Variants in CYLD observed in about 807,000 individuals in gnomAD.
CYLD encodes ubiquitin carboxyl-terminal hydrolase CYLD.
Under a neutral mutation model 104.5 loss-of-function variants are expected in CYLD, and 26 were observed. That is an observed-to-expected ratio of 0.25 (90% CI 0.18 to 0.35). CYLD has a LOEUF of 0.35. Among genes scored for constraint, CYLD ranks in the 10% least tolerant of loss-of-function variants. CYLD has a pLI of 1.00. For missense variants in CYLD, 703 were observed against 1,136.1 expected (o/e 0.62, Z 5.48); for synonymous variants, 385 against 399.9 (o/e 0.96, Z 0.45).
chr16:50,744,899 C>G (rs1966044461), intron 2 of CYLD: 1 of 152,344 alleles, frequency 6.6e-6, no homozygotes, highest in Admixed American at 6.5e-5. Flanking sequence ...TCCAGACCAT[C>G]AACAAGCTCA....
At position 50,749,831 on chromosome 16, in the gene CYLD, A is replaced by T. The variant is rs1258272884; in HGVS notation, c.133A>T (p.Ser45Cys). 1 of 1,613,976 alleles carries T rather than the reference A, an allele frequency of 6.2e-7. No individual in the cohort carries two copies. Among genetic ancestry groups the T allele is most frequent in the Admixed American group, 1.7e-5 (1 of 59,996 alleles). The change falls in exon 3 of 19, where the codon AGT (serine) becomes TGT (cysteine). Residue 45 changes from serine to cysteine, a missense_variant. Ser to Cys is a moderately radical substitution (Grantham distance 112). Around this residue, in one of 5 missense-constraint regions of CYLD, gnomAD observed 142 missense variants for 165.1 expected, o/e 0.86. Coordinates refer to ENST00000427738, the MANE Select transcript of CYLD (RefSeq NM_001378743.1). ...TQKLLKVPKG[S>C]IGQYIQDRSV... ...AAAGCTCCTTAAAGTACCGAAGGGA[A>T]GTATAGGACAGTATATTCAAGATCG...
chr16:50,789,824 G>A (rs1442478180), intron 14 of CYLD, among the ~76,000 whole-genome samples: 1 of 152,074 alleles, frequency 6.6e-6, no homozygotes, highest in African/African-American at 2.4e-5. Flanking sequence ...GACAATGAAA[G>A]GTAAAACAGA....
At chr16:50,775,365 AT>A (rs984765230) in intron 6 of CYLD, among the ~76,000 whole-genome samples, 191 bp downstream of exon 6, 12 of 152,134 alleles carry the variant, frequency 7.9e-5, no homozygotes, top group Admixed American at 1.3e-4. Flanking sequence ...TTACACCTAT[AT>A]TTCAGAAATA....
At chr16:50,792,735 G>A in intron 16 of CYLD, 30 bp downstream of exon 16, 1 of 1,205,722 alleles carries the variant, frequency 8.3e-7, no homozygotes, top group Non-Finnish European at 1.2e-6. Flanking sequence ...AGTTTGTTTT[G>A]TTGGTTTTGT....
chr16:50,793,446 T>C, intron 16 of CYLD, 100 bp from the exon 17 acceptor site: 1 of 843,878 alleles, frequency 1.2e-6, no homozygotes. Flanking sequence ...GCCATGAACA[T>C]TGTCCTTTTT....
chr16:50,795,426 ATGTT>A, intron 18 of CYLD: 1 of 628,270 alleles, frequency 1.6e-6, no homozygotes, highest in Non-Finnish European at 2.9e-6. Flanking sequence ...TAGGTAAGAA[ATGTT>A]TGTTAAAGCA....
At position 50,794,666 on chromosome 16, in the gene CYLD, G is replaced by T. The variant is rs1461056142; in HGVS notation, c.2686+238G>T. 2 of 518,196 alleles carry T rather than the reference G, an allele frequency of 3.9e-6. No homozygotes were observed. The highest frequency in any genetic ancestry group is 1.9e-5 in the African/African-American group (1 of 51,756). 32.1% of individuals were successfully genotyped at this position (518,196 alleles called of 1,614,324 possible). A position where few individuals can be genotyped will look rare whatever the true frequency, so the allele number is the denominator to read the frequency against. ...GATGGAGTCTCACTCTGTCACCCAGGCTGGAGTGCAGCAGCGTGATCTTGG... is the reference window on the plus strand; with the variant it reads ...GATGGAGTCTCACTCTGTCACCCAGTCTGGAGTGCAGCAGCGTGATCTTGG... On this transcript the variant is annotated intron_variant, in intron 18 of 18. Coordinates refer to ENST00000427738, the MANE Select transcript of CYLD (RefSeq NM_001378743.1). The surrounding 1 kb of genome is among the most constrained non-coding windows in gnomAD (Gnocchi z 4.1).
chr16:50,789,715 TAGGAG>T (rs377722894), intron 14 of CYLD, among the ~76,000 whole-genome samples: 205 of 151,930 alleles, frequency 1.3e-3, no homozygotes, highest in Middle Eastern at 3.4e-3. Flanking sequence ...ATGCAACAAA[TAGGAG>T]GATAAGTACC....
At position 50,755,104 on chromosome 16, in the gene CYLD, T is replaced by C. The variant is rs369704010; in HGVS notation, c.913+680T>C. The stretch of plus-strand genomic sequence containing the variant: ...ATACACACATATATACATACATATA[T>C]ACACACATATACACATGTGTATATA... On this transcript the variant is annotated intron_variant, in intron 5 of 18. Transcript: ENST00000427738. 1.5e-4 allele frequency among the ~76,000 whole-genome samples: 20 copies of C among 136,810 alleles called. No homozygotes were observed. The East Asian group carries it at 1.5e-3, about 10-fold the overall frequency. 89.8% of individuals were successfully genotyped at this position (136,810 alleles called of 152,430 possible).
rs1312243031 is a variant in CYLD, at chr16:50,798,054, G to A, written c.*1546G>A. 4.3e-6 allele frequency: 1 copy of A among 232,216 alleles called. No individual in the cohort carries two copies. Among genetic ancestry groups the A allele is most frequent in the African/African-American group, 2.2e-5 (1 of 45,270 alleles). 14.4% of individuals were successfully genotyped at this position (232,216 alleles called of 1,614,324 possible). On this transcript the variant is annotated 3_prime_UTR_variant, in exon 19 of 19. Transcript: ENST00000427738. Reference sequence around the variant, plus strand: ...AGACTCTGGGTTTAGGGCTAGCCCTGCCTCCATCTCCCTTGGGTAAAATGA... The same window carrying A: ...AGACTCTGGGTTTAGGGCTAGCCCTACCTCCATCTCCCTTGGGTAAAATGA...
rs1256981411 is a variant in CYLD, at chr16:50,801,679, AG to A, written c.*5175del. On this transcript the variant is annotated 3_prime_UTR_variant, in exon 19 of 19. Coordinates refer to ENST00000427738, the MANE Select transcript of CYLD (RefSeq NM_001378743.1). ...TGGGATTCTTAGTAGATTGGTAGAA[AG>A]GGGCTCATTTTCTACTGCATTTCCC... The A allele has an allele frequency of 4.3e-6, 1 of 233,330 alleles. No homozygotes were observed. Among genetic ancestry groups the A allele is most frequent in the African/African-American group, 2.2e-5 (1 of 45,322 alleles). The allele number at this position is 233,330 out of a possible 1,614,324, so 14.5% of individuals were successfully genotyped here. A position where few individuals can be genotyped will look rare whatever the true frequency, so the allele number is the denominator to read the frequency against.
intron 4 of CYLD, 99 bp downstream of exon 4, chr16:50,752,005 C>CT: frequency 1.2e-5 from 2 of 165,976 alleles, no homozygotes; most frequent in Non-Finnish European, 1.9e-5. Context: ...CATATATATA[C>CT]ACACATATAT....
chr16:50,796,604 T>C lies in CYLD; in HGVS notation c.*96T>C. ...TTCTGTTCACGTCCATTGCCGGCAATGGATGTCTTTGTGGTGATGATCCTT... is the reference window on the plus strand; with the variant it reads ...TTCTGTTCACGTCCATTGCCGGCAACGGATGTCTTTGTGGTGATGATCCTT... On this transcript the variant is annotated 3_prime_UTR_variant, in exon 19 of 19. Coordinates refer to ENST00000427738, the MANE Select transcript of CYLD (RefSeq NM_001378743.1). The C allele has an allele frequency of 8.1e-7, 1 of 1,240,006 alleles. No individual in the cohort carries two copies. Among genetic ancestry groups the C allele is most frequent in the South Asian group, 1.2e-5 (1 of 82,712 alleles). The allele number at this position is 1,240,006 out of a possible 1,614,324, so 76.8% of individuals were successfully genotyped here.
rs1163356265 is a variant in CYLD, at chr16:50,796,355, C to T, written c.2718C>T (p.Val906=). ...GGQNGFNIPQ[V]TPCPEVGEYL... ...AGAATGGCTTCAACATTCCTCAAGT[C>T]ACCCCATGCCCAGAAGTAGGAGAGT... Residue 906 remains valine, a synonymous_variant, in exon 19 of 19, where the codon GTC becomes GTT. Transcript: ENST00000427738. 11 of 1,614,034 alleles carry T rather than the reference C, an allele frequency of 6.8e-6. No homozygotes were observed. The highest frequency in any genetic ancestry group is 1.7e-5 in the Admixed American group (1 of 59,996).
intron 12 of CYLD, chr16:50,786,195 T>G (rs998267245): frequency 1.3e-5 from 2 of 152,236 alleles, no homozygotes; most frequent in Non-Finnish European, 2.9e-5. Flanking sequence ...CACTTCAGTA[T>G]TAAAAGGATA....
intron 5 of CYLD, among the ~76,000 whole-genome samples, chr16:50,770,310 T>A (rs562304395): frequency 2.0e-5 from 3 of 152,276 alleles, no homozygotes; most frequent in African/African-American, 7.2e-5. Flanking sequence ...TTTGATGTTG[T>A]CCCTATTTTT....
At chr16:50,793,496 G>T in intron 16 of CYLD, 50 bp from the exon 17 acceptor site, 1 of 1,187,280 alleles carries the variant, frequency 8.4e-7, no homozygotes, top group South Asian at 1.2e-5. Flanking sequence ...ATGAAAGAAT[G>T]CATTTTTTTT....
In CYLD at chr16:50,778,680, C is replaced by T. The variant is rs568249473; in HGVS notation, c.1138+739C>T. On this transcript the variant is annotated intron_variant, in intron 8 of 18. Transcript: ENST00000427738. ...CTGGAAGAATGGAAGCTAGTGTTTG[C>T]CAGGGACTAGAACACAGACAGAGGC... Among the ~76,000 whole-genome samples, 7 of 152,154 alleles carry T rather than the reference C, an allele frequency of 4.6e-5. No individual in the cohort carries two copies. In the South Asian group the frequency reaches 1.2e-3, roughly 27 times the overall value.
At chr16:50,779,284 T>C (rs1969980292) in intron 8 of CYLD, among the ~76,000 whole-genome samples, 1 of 152,190 alleles carries the variant, frequency 6.6e-6, no homozygotes, top group Admixed American at 6.5e-5. Context: ...CTCTCTTTTT[T>C]CTTTATTGTT....
Sources: gnomAD v4.1 joint callset for allele counts (sites outside exome capture counted in the v4.1 genomes callset) on GRCh38, gnomAD v4.1.1 for gene constraint, gnomAD v4.1.1 regional missense constraint, Gnocchi (gnomAD v3.1) non-coding constraint, MANE v1.5 for transcripts, NCBI Gene and HGNC (gene_info 2026-07-23, HGNC 2026-07-21) for gene names.